The following KRCC1 variants were observed in gnomAD, a reference collection of about 807,000 sequenced individuals.
KRCC1 encodes lysine rich coiled-coil 1, also known as lysine-rich coiled-coil protein 1.
Under a neutral mutation model 7.4 loss-of-function variants are expected in KRCC1, and 3 were observed. The observed-to-expected ratio is 0.40, with a 90% CI of 0.18 to 1.04. KRCC1 has a LOEUF of 1.04. KRCC1 is among the 50% of genes least tolerant of loss of function. The pLI is 0.33. For synonymous variants in KRCC1, 102 were observed against 101.6 expected, an observed-to-expected ratio of 1.00 and a Z score of -0.02; for missense variants, 277 against 300.9, an observed-to-expected ratio of 0.92 and a Z score of 0.59.
intron 1 of KRCC1, among the ~76,000 whole-genome samples, chr2:88,050,013 ATT>A (rs1176216832): frequency 2.0e-5 from 3 of 152,100 alleles, no homozygotes; most frequent in Admixed American, 1.3e-4. Flanking sequence ...ATTGCTCTTT[ATT>A]TTTCTCCCTA....
chr2:88,036,661 A>C (rs546191721), intron 2 of KRCC1, among the ~76,000 whole-genome samples: 1 of 152,282 alleles, frequency 6.6e-6, no homozygotes, highest in Non-Finnish European at 1.5e-5. Flanking sequence ...AAGCTTCATA[A>C]TATCTTCCTT....
intron 1 of KRCC1, among the ~76,000 whole-genome samples, chr2:88,046,802 C>A (rs1381850632): frequency 6.6e-6 from 1 of 152,090 alleles, no homozygotes; most frequent in Admixed American, 6.5e-5. Context: ...TCCCCAGTAG[C>A]TGGGACTACA....
At chr2:88,036,868 A>C (rs184970788) in intron 2 of KRCC1, 75 bp downstream of exon 2, 18 of 152,378 alleles carry the variant, frequency 1.2e-4, no homozygotes, top group African/African-American at 4.3e-4. Context: ...GGATTAAATA[A>C]GATGACATAT....
intron 1 of KRCC1, among the ~76,000 whole-genome samples, chr2:88,039,678 A>T (rs1441749877): frequency 6.6e-6 from 1 of 151,914 alleles, no homozygotes; most frequent in Non-Finnish European, 1.5e-5. Flanking sequence ...ACAAAGTGAG[A>T]CTGTCTCAGA....
rs1673354139 is a variant in KRCC1, at chr2:88,047,130, TTTC to T, written c.-291+8493_-291+8495del. On this transcript the variant is annotated intron_variant, in intron 1 of 3. Coordinates refer to ENST00000347055, the MANE Select transcript of KRCC1 (RefSeq NM_016618.3). ...CTTAAATACTAGGAATCATTCTACT[TTTC>T]TTAATTCTAGATTTACCAATCTGTT... 2.0e-5 allele frequency among the ~76,000 whole-genome samples: 3 copies of T among 152,374 alleles called. 1 individual carries two copies. The highest frequency in any genetic ancestry group is 1.9e-4 in the East Asian group (1 of 5,190).
At chr2:88,036,239 G>C (rs75694297) in intron 2 of KRCC1, among the ~76,000 whole-genome samples, 2,374 of 152,262 alleles carry the variant, frequency 0.016, 67 homozygotes, top group African/African-American at 0.054. Context: ...CAGAGCGTGA[G>C]AAGAGCAGAA....
intron 1 of KRCC1, among the ~76,000 whole-genome samples, chr2:88,052,645 T>C (rs1673518853): frequency 6.6e-6 from 1 of 152,236 alleles, no homozygotes; most frequent in Non-Finnish European, 1.5e-5. Flanking sequence ...GTCACAGTAT[T>C]TCAGATGACC....
intron 2 of KRCC1, among the ~76,000 whole-genome samples, chr2:88,035,134 A>C (rs1673067563): frequency 6.6e-6 from 1 of 152,220 alleles, no homozygotes; most frequent in African/African-American, 2.4e-5. Context: ...GCTTGCTTTC[A>C]AATCAAAGTA....
chr2:88,030,091 G>A lies in KRCC1; in HGVS notation c.-22-1506C>T, dbSNP rs897031133. ...TCCAACTCCTGACCTCAGGTGATCT[G>A]CCTGCCTCGGCCTCCCAAAGTGCTG... On this transcript the variant is annotated intron_variant, in intron 3 of 3. Coordinates refer to ENST00000347055, the MANE Select transcript of KRCC1 (RefSeq NM_016618.3). 5.3e-5 allele frequency among the ~76,000 whole-genome samples: 8 copies of A among 150,690 alleles called. No homozygotes were observed. The East Asian group carries it at 1.6e-3, about 30-fold the overall frequency.
rs772285946 is a variant in KRCC1, at chr2:88,037,008, G to C, written c.-247C>G. The C allele has an allele frequency of 7.2e-5, 11 of 152,022 alleles. No individual in the cohort carries two copies. Among genetic ancestry groups the C allele is most frequent in the Admixed American group, 2.6e-4 (4 of 15,270 alleles). 9.4% of individuals were successfully genotyped at this position (152,022 alleles called of 1,614,324 possible). On this transcript the variant is annotated 5_prime_UTR_variant, in exon 2 of 4. Transcript: ENST00000347055. Reference sequence around the variant, plus strand: ...ACTCCACAGACATCTTTTATAAAAGGTATCTGTAAACAAAGTTCAGTCTTT... The same window carrying C: ...ACTCCACAGACATCTTTTATAAAAGCTATCTGTAAACAAAGTTCAGTCTTT...
Position 88,027,598 on chromosome 2 carries a change from T to G in KRCC1, c.*186A>C. ...ATGTTCAAAAAATGTAATAATGCTT[T>G]TAGAAAATGAGGAAAAGCAATTTCT... On this transcript the variant is annotated 3_prime_UTR_variant, in exon 4 of 4. Coordinates refer to ENST00000347055, the MANE Select transcript of KRCC1 (RefSeq NM_016618.3). 1 of 488,086 alleles carries G rather than the reference T, an allele frequency of 2.0e-6. No homozygotes were observed. Among genetic ancestry groups the G allele is most frequent in the Middle Eastern group, 5.5e-4 (1 of 1,820 alleles). 30.2% of individuals were successfully genotyped at this position (488,086 alleles called of 1,614,324 possible).
In KRCC1 at chr2:88,052,995, G is replaced by A. The variant is rs1467209750; in HGVS notation, c.-291+2631C>T. On this transcript the variant is annotated intron_variant, in intron 1 of 3. Coordinates refer to ENST00000347055, the MANE Select transcript of KRCC1 (RefSeq NM_016618.3). Reference sequence around the variant, plus strand: ...TGATTTTGAGGATTTTAGACTTTAGGGATTTTCATCTTTCAGGATTTCAAC... The same window carrying A: ...TGATTTTGAGGATTTTAGACTTTAGAGATTTTCATCTTTCAGGATTTCAAC... 3.3e-5 allele frequency among the ~76,000 whole-genome samples: 5 copies of A among 151,868 alleles called. No homozygotes were observed. In the South Asian group the frequency reaches 1.0e-3, roughly 32 times the overall value.
chr2:88,050,709 T>A (rs1342289452), intron 1 of KRCC1, among the ~76,000 whole-genome samples: 1 of 152,232 alleles, frequency 6.6e-6, no homozygotes, highest in African/African-American at 2.4e-5. Flanking sequence ...AGGAATACCA[T>A]TATTTAGTGA....
intron 1 of KRCC1, among the ~76,000 whole-genome samples, chr2:88,053,607 G>T (rs564035451): frequency 6.6e-6 from 1 of 152,170 alleles, no homozygotes; most frequent in Non-Finnish European, 1.5e-5. Flanking sequence ...TTCACTAAGA[G>T]AACTTAATAG....
intron 1 of KRCC1, among the ~76,000 whole-genome samples, chr2:88,053,076 G>C (rs1189742663): frequency 6.6e-6 from 1 of 151,820 alleles, no homozygotes; most frequent in East Asian, 1.9e-4. Context: ...TCTGCTCAAT[G>C]ATGACAACCT....
chr2:88,038,420 T>C (rs1334903154), intron 1 of KRCC1, among the ~76,000 whole-genome samples: 1 of 152,228 alleles, frequency 6.6e-6, no homozygotes, highest in African/African-American at 2.4e-5. Flanking sequence ...TTCTGAAGAA[T>C]GCCACATAAG....
chr2:88,039,680 T>C (rs1250343092), intron 1 of KRCC1, among the ~76,000 whole-genome samples: 1 of 151,752 alleles, frequency 6.6e-6, no homozygotes, highest in Admixed American at 6.6e-5. Context: ...AAAGTGAGAC[T>C]GTCTCAGAAA....
At chr2:88,048,504 T>G (rs749832121) in intron 1 of KRCC1, among the ~76,000 whole-genome samples, 2 of 152,268 alleles carry the variant, frequency 1.3e-5, no homozygotes, top group Non-Finnish European at 2.9e-5. Context: ...AGCTTTTTGC[T>G]GGCATTTAGA....
chr2:88,031,085 T>C (rs1356480929), intron 3 of KRCC1, among the ~76,000 whole-genome samples: 1 of 152,176 alleles, frequency 6.6e-6, no homozygotes, highest in Non-Finnish European at 1.5e-5. Flanking sequence ...TAGAGTATAT[T>C]CTTTCTCCTT....
Sources: allele counts gnomAD v4.1 joint callset (sites outside exome capture counted in the v4.1 genomes callset), GRCh38; gene constraint gnomAD v4.1.1; transcripts MANE v1.5; gene names NCBI Gene and HGNC (gene_info 2026-07-23, HGNC 2026-07-21).